ETFA: variants seen among roughly 807,000 people sequenced by gnomAD.
ETFA encodes electron transfer flavoprotein subunit alpha, mitochondrial.
A neutral mutation model predicts 46.2 loss-of-function variants in ETFA; 22 were observed. That is an observed-to-expected ratio of 0.48 (90% CI 0.34 to 0.68). ETFA has a LOEUF of 0.68. ETFA is among the 30% of genes least tolerant of loss of function. ETFA has a pLI of 0.01. For synonymous variants in ETFA, 131 were observed against 139.9 expected, an observed-to-expected ratio of 0.94 and a Z score of 0.45; for missense variants, 345 against 401.1, an observed-to-expected ratio of 0.86 and a Z score of 1.19.
At chr15:76,220,194 G>A (rs1309302283) in intron 11 of ETFA, among the ~76,000 whole-genome samples, 1 of 152,230 alleles carries the variant, frequency 6.6e-6, no homozygotes, top group African/African-American at 2.4e-5. Flanking sequence ...AGCCTCCCGA[G>A]TAGCTGGGGC....
intron 9 of ETFA, among the ~76,000 whole-genome samples, chr15:76,265,318 TC>T (rs1180997862): frequency 5.3e-5 from 8 of 152,170 alleles, no homozygotes; most frequent in Non-Finnish European, 1.0e-4. Context: ...GTGGTCTGCC[TC>T]CCCAAGAGAA....
chr15:76,253,517 C>T (rs752079833), intron 9 of ETFA, among the ~76,000 whole-genome samples: 8 of 151,800 alleles, frequency 5.3e-5, no homozygotes, highest in Non-Finnish European at 1.5e-5. Flanking sequence ...GATTTTCAAA[C>T]AATATAAAGT....
chr15:76,249,433 T>A (rs2039274646), intron 9 of ETFA, among the ~76,000 whole-genome samples: 1 of 79,438 alleles, frequency 1.3e-5, no homozygotes, highest in African/African-American at 6.0e-5. Flanking sequence ...CAGTCCATGG[T>A]AATTTTTTTT....
At chr15:76,227,713 C>T (rs569538792) in intron 10 of ETFA, 1 of 418,782 alleles carries the variant, frequency 2.4e-6, no homozygotes, top group East Asian at 7.1e-5. Context: ...TTCTACCTAC[C>T]TGGCATTGTA....
intron 8 of ETFA, among the ~76,000 whole-genome samples, chr15:76,282,228 A>G (rs188113786): frequency 6.6e-6 from 1 of 152,336 alleles, no homozygotes; most frequent in African/African-American, 2.4e-5. Context: ...AGGGACACAG[A>G]AGGAGACTGA....
intron 9 of ETFA, among the ~76,000 whole-genome samples, chr15:76,232,459 T>G (rs1298514223): frequency 6.6e-6 from 1 of 152,156 alleles, no homozygotes; most frequent in Non-Finnish European, 1.5e-5. Context: ...GACAGTAAAG[T>G]CTCTCCTCAA....
chr15:76,253,953 A>G (rs1198169168), intron 9 of ETFA, among the ~76,000 whole-genome samples: 1 of 152,224 alleles, frequency 6.6e-6, no homozygotes, highest in Middle Eastern at 3.2e-3. Context: ...GAGAACAACT[A>G]CAAAATCTGG....
chr15:76,275,761 T>C (rs972748561), intron 8 of ETFA, among the ~76,000 whole-genome samples: 3 of 152,226 alleles, frequency 2.0e-5, no homozygotes, highest in Non-Finnish European at 4.4e-5. Flanking sequence ...TTGTTTTACT[T>C]TAGTGCTGGT....
chr15:76,276,189 C>G (rs1196667995), intron 8 of ETFA, among the ~76,000 whole-genome samples: 2 of 152,036 alleles, frequency 1.3e-5, no homozygotes, highest in Non-Finnish European at 2.9e-5. Context: ...CTTTATTTCT[C>G]TTCCATTTTT....
intron 9 of ETFA, among the ~76,000 whole-genome samples, chr15:76,239,094 T>C (rs1162320682): frequency 6.6e-6 from 1 of 152,232 alleles, no homozygotes; most frequent in Non-Finnish European, 1.5e-5. Flanking sequence ...GTAACTATGC[T>C]GTACTTTATA....
chr15:76,295,852 T>C (rs1428146785), intron 1 of ETFA, 115 bp from the exon 2 acceptor site: 2 of 623,580 alleles, frequency 3.2e-6, no homozygotes, highest in Admixed American at 3.5e-5. Context: ...CTGTACACAA[T>C]ATTATTCTAT....
At chr15:76,239,846 C>T (rs921587251) in intron 9 of ETFA, among the ~76,000 whole-genome samples, 24 of 151,046 alleles carry the variant, frequency 1.6e-4, no homozygotes, top group African/African-American at 5.8e-4. Context: ...CTCCATGTTG[C>T]TAAAAGTATC....
chr15:76,256,061 C>G (rs1009167413), intron 9 of ETFA, among the ~76,000 whole-genome samples: 3 of 151,924 alleles, frequency 2.0e-5, no homozygotes, highest in Admixed American at 6.6e-5. Context: ...AGTTTGAGAT[C>G]AGCCTGGCCA....
intron 11 of ETFA, among the ~76,000 whole-genome samples, chr15:76,219,635 A>G (rs2038938641): frequency 1.3e-5 from 2 of 152,256 alleles, no homozygotes; most frequent in African/African-American, 4.8e-5. Flanking sequence ...ACAAAAAGAG[A>G]AACAGCCCAA....
intron 11 of ETFA, among the ~76,000 whole-genome samples, chr15:76,224,585 G>A (rs1435416141): frequency 2.6e-5 from 4 of 152,200 alleles, no homozygotes; most frequent in Non-Finnish European, 5.9e-5. Context: ...TAGATCATAT[G>A]CAGTGCTGGT....
intron 9 of ETFA, chr15:76,259,563 A>T (rs2039381538): frequency 9.5e-7 from 1 of 1,056,316 alleles, no homozygotes; most frequent in Non-Finnish European, 1.5e-6. Flanking sequence ...GGTCACCCCG[A>T]AGGCCCACAC....
intron 10 of ETFA, among the ~76,000 whole-genome samples, chr15:76,226,978 TGTTA>T (rs1458340927): frequency 6.6e-6 from 1 of 152,234 alleles, no homozygotes; most frequent in Non-Finnish European, 1.5e-5. Flanking sequence ...CTTGTCAGCC[TGTTA>T]GTAAGGGACG....
chr15:76,274,316 C>T, intron 9 of ETFA, 96 bp downstream of exon 9: 3 of 967,488 alleles, frequency 3.1e-6, no homozygotes, highest in Admixed American at 4.0e-5. Flanking sequence ...CTCAGGAACA[C>T]TGAGTAAGGT....
intron 9 of ETFA, among the ~76,000 whole-genome samples, chr15:76,257,114 A>G (rs1315291050): frequency 6.6e-6 from 1 of 152,194 alleles, no homozygotes; most frequent in Non-Finnish European, 1.5e-5. Flanking sequence ...TTTAAACAGC[A>G]ACTAACAGCT....
Sources: allele counts gnomAD v4.1 joint callset (sites outside exome capture counted in the v4.1 genomes callset), GRCh38; gene constraint gnomAD v4.1.1; transcripts MANE v1.5; gene names NCBI Gene and HGNC (gene_info 2026-07-23, HGNC 2026-07-21).